Variants in FLYWCH1 observed in about 807,000 individuals in gnomAD.
FLYWCH1 encodes FLYWCH-type zinc finger 1.
In FLYWCH1, 75 loss-of-function variants were observed where a neutral mutation model predicts 66.4. The ratio of observed to expected loss-of-function variants is 1.13; its 90% CI spans 0.94 to 1.37. The LOEUF is 1.37. FLYWCH1 is among the 40% of genes most tolerant of loss of function. FLYWCH1 has a pLI of 0.00. For missense variants in FLYWCH1, 1,334 were observed against 1,001.8 expected, an observed-to-expected ratio of 1.33 and a Z score of -4.48; for synonymous variants, 595 against 429.9, an observed-to-expected ratio of 1.38 and a Z score of -4.75.
intron 2 of FLYWCH1, among the ~76,000 whole-genome samples, chr16:2,914,667 G>A (rs1016113724): frequency 1.3e-5 from 2 of 152,154 alleles, no homozygotes; most frequent in Non-Finnish European, 2.9e-5. Context: ...GGGAGGCTGA[G>A]GTGGGCAGAT....
intron 9 of FLYWCH1, among the ~76,000 whole-genome samples, chr16:2,941,729 AAAG>A (rs1596397094): frequency 1.3e-5 from 2 of 152,046 alleles, no homozygotes; most frequent in Admixed American, 6.6e-5. Context: ...ACTAAAAAAA[AAAG>A]AACTAAAAGT....
Position 2,938,332 on chromosome 16 carries a change from C to T in FLYWCH1, c.1926C>T (p.Arg642=), listed in dbSNP as rs768716361. The T allele has an allele frequency of 5.6e-6, 9 of 1,606,770 alleles. No homozygotes were observed. In the East Asian group the frequency reaches 6.7e-5, roughly 12 times the overall value. The part of the protein sequence containing the change: ...RDQARLGCRS[R]AITQGHRIMV... The stretch of plus-strand genomic sequence containing the variant: ...AGGCTCGGCTGGGCTGCCGCAGCCG[C>T]GCCATAACCCAGGGCCACCGCATCA... Residue 642 remains arginine, a synonymous_variant, in exon 8 of 10, where the codon CGC becomes CGT. Transcript: ENST00000253928.
At chr16:2,942,438 A>T (rs887634722) in intron 9 of FLYWCH1, among the ~76,000 whole-genome samples, 1 of 152,160 alleles carries the variant, frequency 6.6e-6, no homozygotes, top group Non-Finnish European at 1.5e-5. Context: ...ATGAGCCGCA[A>T]TGCTTGGCCC....
At chr16:2,937,976 C>G (rs2071087832) in intron 7 of FLYWCH1, among the ~76,000 whole-genome samples, 1 of 152,154 alleles carries the variant, frequency 6.6e-6, no homozygotes. Flanking sequence ...GGCCACGTGC[C>G]CAGTCATCCC....
At chr16:2,942,407 C>A (rs1463650104) in intron 9 of FLYWCH1, among the ~76,000 whole-genome samples, 2 of 152,122 alleles carry the variant, frequency 1.3e-5, no homozygotes, top group African/African-American at 4.8e-5. Flanking sequence ...CTTGGCCTCC[C>A]AAAGTGCTGG....
At chr16:2,941,995 CAAAAAAAAAAA>C (rs748281347) in intron 9 of FLYWCH1, among the ~76,000 whole-genome samples, 13 of 33,604 alleles carry the variant, frequency 3.9e-4, no homozygotes, top group South Asian at 1.7e-3. Flanking sequence ...AGACTCATCT[CAAAAAAAAAAA>C]AAAAAAAAAA....
chr16:2,920,692 C>T (rs1596357165), intron 2 of FLYWCH1, among the ~76,000 whole-genome samples: 1 of 151,848 alleles, frequency 6.6e-6, no homozygotes, highest in African/African-American at 2.4e-5. Context: ...CAGGCATATG[C>T]CACCATGCCT....
chr16:2,926,368 C>T (rs1378644277), intron 2 of FLYWCH1, among the ~76,000 whole-genome samples: 1 of 152,142 alleles, frequency 6.6e-6, no homozygotes, highest in Non-Finnish European at 1.5e-5. Flanking sequence ...CCGTTTCAAA[C>T]AGGAGAAGAT....
intron 2 of FLYWCH1, among the ~76,000 whole-genome samples, chr16:2,927,303 C>T (rs1240243152): frequency 6.6e-6 from 1 of 152,196 alleles, no homozygotes; most frequent in Non-Finnish European, 1.5e-5. Context: ...TGAGGCGTGG[C>T]AGTTCCTGGT....
chr16:2,912,821 T>A (rs1434618869), intron 1 of FLYWCH1, among the ~76,000 whole-genome samples: 1 of 152,198 alleles, frequency 6.6e-6, no homozygotes, highest in Admixed American at 6.6e-5. Flanking sequence ...TGCCTGTTGT[T>A]CCTTTATTCC....
rs565406772 is a variant in FLYWCH1, at chr16:2,929,961, C to T, written c.276C>T (p.Val92=). The T allele has an allele frequency of 3.1e-6, 5 of 1,613,024 alleles. No individual in the cohort carries two copies. The highest frequency in any genetic ancestry group is 4.5e-5 in the East Asian group (2 of 44,846). Reference sequence around the variant, plus strand: ...CAGTTGAGGAGCAGGGAGGGGTGGTCCAGCCAGCCCTAGAGATGCCTGAAC... The same window carrying T: ...CAGTTGAGGAGCAGGGAGGGGTGGTTCAGCCAGCCCTAGAGATGCCTGAAC... ...ILPVEEQGGV[V]QPALEMPEQK... is the part of the protein sequence containing the mutation. The change falls in exon 3 of 10, where the codon GTC becomes GTT. Residue 92 remains valine (V), a synonymous_variant. Coordinates refer to ENST00000253928, the MANE Select transcript of FLYWCH1 (RefSeq NM_001308068.2).
At chr16:2,945,322 C>G (rs1346308220) in intron 9 of FLYWCH1, among the ~76,000 whole-genome samples, 1 of 151,656 alleles carries the variant, frequency 6.6e-6, no homozygotes, top group African/African-American at 2.4e-5. Flanking sequence ...CCCGTCTCTA[C>G]TAAAAATACA....
At chr16:2,942,468 A>G (rs1455230183) in intron 9 of FLYWCH1, among the ~76,000 whole-genome samples, 7 of 152,144 alleles carry the variant, frequency 4.6e-5, no homozygotes, top group African/African-American at 1.7e-4. Flanking sequence ...CTCTAAGACC[A>G]GTATCACCCT....
chr16:2,915,371 C>G (rs2070135333), intron 2 of FLYWCH1: 1 of 152,118 alleles, frequency 6.6e-6, no homozygotes, highest in African/African-American at 2.4e-5. Flanking sequence ...GATTACAGGC[C>G]TGTGCTACCA....
intron 6 of FLYWCH1, chr16:2,935,412 C>G (rs1467820602): frequency 1.3e-4 from 20 of 152,328 alleles, no homozygotes. Context: ...GCTGGAACCT[C>G]CCAGTGCAGC....
Position 2,938,271 on chromosome 16 carries a change from C to A in FLYWCH1, c.1865C>A (p.Ala622Glu), listed in dbSNP as rs201444714. 2 of 1,612,534 alleles carry A rather than the reference C, an allele frequency of 1.2e-6. No homozygotes were observed. Among genetic ancestry groups the A allele is most frequent in the Non-Finnish European group, 8.5e-7 (1 of 1,179,366 alleles). ...TCCTTCCTCTACAGGAAGGAGAAGG[C>A]GGCTGGGGAGAAGGTGTACTGGATG... The part of the protein sequence containing the change: ...HESFLYRKEK[A>E]AGEKVYWMCR... The change falls in exon 8 of 10, where the codon GCG becomes GAG. Residue 622 changes from alanine to glutamate, a missense_variant. Ala to Glu is a moderately radical substitution (Grantham distance 107). Transcript: ENST00000253928.
At chr16:2,914,498 A>C (rs1176756904) in intron 2 of FLYWCH1, among the ~76,000 whole-genome samples, 3 of 152,180 alleles carry the variant, frequency 2.0e-5, no homozygotes, top group Non-Finnish European at 2.9e-5. Flanking sequence ...CGCACCCTCA[A>C]TTCTGGGAGA....
Position 2,929,263 on chromosome 16 carries a change from G to A in FLYWCH1, c.-73-350G>A, listed in dbSNP as rs560337525. 9.2e-5 allele frequency among the ~76,000 whole-genome samples: 14 copies of A among 152,308 alleles called. No individual in the cohort carries two copies. In the East Asian group the frequency reaches 1.9e-3, roughly 21 times the overall value. On this transcript the variant is annotated intron_variant, in intron 2 of 9. Coordinates refer to ENST00000253928, the MANE Select transcript of FLYWCH1 (RefSeq NM_001308068.2). ...ACTGGGTCAATAAGAACGTTCTGCCGTCATAATGTAGGGACTGGAGGGGGG... is the reference window on the plus strand; with the variant it reads ...ACTGGGTCAATAAGAACGTTCTGCCATCATAATGTAGGGACTGGAGGGGGG...
At chr16:2,932,117 CAAAAAAA>C (rs71158124) in intron 4 of FLYWCH1, among the ~76,000 whole-genome samples, 1 of 109,876 alleles carries the variant, frequency 9.1e-6, no homozygotes, top group Non-Finnish European at 1.9e-5. Flanking sequence ...GACTCTGTCT[CAAAAAAA>C]AAAAAAAAAA....
Sources: gnomAD v4.1 joint callset for allele counts (sites outside exome capture counted in the v4.1 genomes callset) on GRCh38, gnomAD v4.1.1 for gene constraint, MANE v1.5 for transcripts, NCBI Gene and HGNC (gene_info 2026-07-23, HGNC 2026-07-21) for gene names.